Variants in ARHGEF4 observed in about 807,000 individuals in gnomAD.
ARHGEF4 encodes APC-stimulated guanine nucleotide exchange factor 1.
Under a neutral mutation model 162.0 loss-of-function variants are expected in ARHGEF4, and 119 were observed. The ratio of observed to expected loss-of-function variants is 0.73; its 90% CI spans 0.63 to 0.86. The LOEUF (loss-of-function observed/expected upper bound fraction) is 0.86. Among genes scored for constraint, ARHGEF4 ranks in the 40% least tolerant of loss-of-function variants. ARHGEF4 has a pLI of 0.00. For missense variants in ARHGEF4, 2,488 were observed against 2,456.0 expected (o/e 1.01, Z -0.28); for synonymous variants, 1,014 against 979.9 (o/e 1.03, Z -0.65).
chr2:131,015,698 C>T (rs946656747), intron 4 of ARHGEF4, among the ~76,000 whole-genome samples: 30 of 152,348 alleles, frequency 2.0e-4, no homozygotes, highest in Non-Finnish European at 3.5e-4. Flanking sequence ...ACCAGCCTAG[C>T]GAACATGGCA....
intron 4 of ARHGEF4, among the ~76,000 whole-genome samples, chr2:130,974,949 A>G (rs906925580): frequency 6.6e-6 from 1 of 152,088 alleles, no homozygotes; most frequent in Admixed American, 6.5e-5. Flanking sequence ...CAGAGACTCA[A>G]TTTTTTGCAT....
chr2:130,855,155 G>A (rs1057510478), intron 1 of ARHGEF4, among the ~76,000 whole-genome samples: 2 of 151,946 alleles, frequency 1.3e-5, no homozygotes, highest in African/African-American at 4.8e-5. Context: ...GATTACAGAC[G>A]TGAGCTACCG....
At chr2:131,009,374 C>T (rs1688312083) in intron 4 of ARHGEF4, among the ~76,000 whole-genome samples, 2 of 152,070 alleles carry the variant, frequency 1.3e-5, no homozygotes, top group Non-Finnish European at 2.9e-5. Flanking sequence ...CTGTATTCTG[C>T]TTGGGATTCA....
Position 131,009,128 on chromosome 2 carries a change from G to A in ARHGEF4, c.3986-18817G>A, listed in dbSNP as rs192489277. On this transcript the variant is annotated intron_variant, in intron 4 of 13. Coordinates refer to ENST00000409359, the MANE Select transcript of ARHGEF4 (RefSeq NM_001367493.1). ...TCTTAGCTTTCATTTTTCTTTTTTT[G>A]GACAGCAGACATTGTGGTGGTGTCC... is the stretch of plus-strand genomic sequence containing the variant. Among the ~76,000 whole-genome samples, 8 of 152,006 alleles carry A rather than the reference G, an allele frequency of 5.3e-5. No individual in the cohort carries two copies. The East Asian group carries it at 1.5e-3, about 29-fold the overall frequency.
chr2:131,043,768 C>G (rs976795116), intron 11 of ARHGEF4, 185 bp downstream of exon 11: 1 of 742,362 alleles, frequency 1.3e-6, no homozygotes, highest in Non-Finnish European at 2.1e-6. Context: ...GAGCAGCAGG[C>G]GGCTTTCACA....
intron 1 of ARHGEF4, among the ~76,000 whole-genome samples, chr2:130,864,945 C>T (rs1486472629): frequency 6.6e-6 from 1 of 152,184 alleles, no homozygotes; most frequent in Non-Finnish European, 1.5e-5. Flanking sequence ...TTGATGGAGA[C>T]GCACATGGCT....
At chr2:130,986,258 T>A (rs951612425) in intron 4 of ARHGEF4, among the ~76,000 whole-genome samples, 54 of 152,174 alleles carry the variant, frequency 3.5e-4, no homozygotes, top group Admixed American at 4.6e-4. Flanking sequence ...TCAGCGTCCC[T>A]CTTTGTGGGC....
chr2:130,883,118 G>A (rs1267131271), intron 1 of ARHGEF4, among the ~76,000 whole-genome samples: 1 of 151,962 alleles, frequency 6.6e-6, no homozygotes, highest in African/African-American at 2.4e-5. Context: ...GTTTTTCAAG[G>A]AGCGAGATGC....
chr2:130,931,344 T>G, intron 3 of ARHGEF4, 87 bp downstream of exon 3: 1 of 1,385,824 alleles, frequency 7.2e-7, no homozygotes, highest in South Asian at 1.5e-5. Flanking sequence ...AGCTTTTGCC[T>G]GACTCTCCTG....
At chr2:130,922,311 C>T (rs1574235211) in intron 2 of ARHGEF4, among the ~76,000 whole-genome samples, 2 of 151,216 alleles carry the variant, frequency 1.3e-5, no homozygotes, top group East Asian at 2.0e-4. Flanking sequence ...GTGGAGGTTG[C>T]GGCGAGCCGA....
intron 6 of ARHGEF4, 132 bp from the exon 7 acceptor site, chr2:131,039,880 TGGCC>T (rs1228496954): frequency 7.0e-7 from 1 of 1,429,830 alleles, no homozygotes; most frequent in Non-Finnish European, 9.1e-7. Flanking sequence ...TGGGGGGAGC[TGGCC>T]GGCCAGTCCT....
chr2:130,914,859 C>A lies in ARHGEF4; in HGVS notation c.913C>A (p.Arg305Ser). The change falls in exon 2 of 14, where the codon CGC becomes AGC. Residue 305 changes from arginine to serine, a missense_variant. This residue lies in a region of ARHGEF4 where 1,642 missense variants were observed against 1,481.5 expected (regional missense o/e 1.11). Transcript: ENST00000409359. ...QPPLRTSCLL[R>S]TNRHHSAPET... ...TCCTTTGAGGACATCTTGCCTCCTA[C>A]GCACCAACCGTCACCATAGTGCCCC... 6.8e-7 allele frequency: 1 copy of A among 1,479,546 alleles called. No homozygotes were observed. Among genetic ancestry groups the A allele is most frequent in the South Asian group, 1.4e-5 (1 of 71,228 alleles). 91.7% of individuals were successfully genotyped at this position (1,479,546 alleles called of 1,614,324 possible). A position where few individuals can be genotyped will look rare whatever the true frequency, so the allele number is the denominator to read the frequency against.
intron 11 of ARHGEF4, 28 bp downstream of exon 11, chr2:131,043,611 C>G (rs1232698371): frequency 1.2e-6 from 2 of 1,613,258 alleles, no homozygotes; most frequent in South Asian, 1.1e-5. Flanking sequence ...CCCTGCTGCC[C>G]CAAGTTGAGC....
intron 4 of ARHGEF4, among the ~76,000 whole-genome samples, chr2:131,023,576 G>A (rs1423640992): frequency 6.6e-6 from 1 of 152,194 alleles, no homozygotes; most frequent in Non-Finnish European, 1.5e-5. Flanking sequence ...ACACCTATCA[G>A]AATACCTAAA....
intron 3 of ARHGEF4, among the ~76,000 whole-genome samples, chr2:130,939,755 T>C (rs1683177915): frequency 6.6e-6 from 1 of 152,258 alleles, no homozygotes; most frequent in Non-Finnish European, 1.5e-5. Context: ...AGGTTTTCTT[T>C]AACTTCTTTT....
intron 4 of ARHGEF4, among the ~76,000 whole-genome samples, chr2:130,977,044 GTT>G (rs1685775058): frequency 6.6e-6 from 1 of 151,520 alleles, no homozygotes; most frequent in Non-Finnish European, 1.5e-5. Context: ...TGGTGTGTGT[GTT>G]GGTGTGTGGT....
chr2:130,959,417 A>G (rs1407628092), intron 4 of ARHGEF4, among the ~76,000 whole-genome samples: 1 of 152,228 alleles, frequency 6.6e-6, no homozygotes, highest in African/African-American at 2.4e-5. Context: ...GGTTCAAAGC[A>G]TGAGTGGCGA....
rs1384421372 is a variant in ARHGEF4, at chr2:130,988,889, TATATATATATATAGAGAGAGAGAG to T, written c.3986-39054_3986-39031del. ...GTGTGTGTGTATATATATATATATA[TATATATATATATAGAGAGAGAGAG>T]AGAGAGAGAGAGAGAGAGAGAGAAA... On this transcript the variant is annotated intron_variant, in intron 4 of 13. Transcript: ENST00000409359. Among the ~76,000 whole-genome samples the T allele has an allele frequency of 1.2e-4, 14 of 116,466 alleles. No individual in the cohort carries two copies. In the South Asian group the frequency reaches 1.5e-3, roughly 12 times the overall value. 76.4% of individuals were successfully genotyped at this position (116,466 alleles called of 152,430 possible).
chr2:130,977,604 C>T lies in ARHGEF4; in HGVS notation c.3985+30969C>T, dbSNP rs181071847. ...ATGTTGTGTATGTGTGGTGCATATG[C>T]GTTGCATATGTATGGTGTGTGCTGT... On this transcript the variant is annotated intron_variant, in intron 4 of 13. Transcript: ENST00000409359. Among the ~76,000 whole-genome samples the T allele has an allele frequency of 7.3e-5, 11 of 151,140 alleles. 1 individual carries two copies. Among genetic ancestry groups the T allele is most frequent in the African/African-American group, 2.4e-4 (10 of 41,038 alleles).
Sources: allele counts gnomAD v4.1 joint callset (sites outside exome capture counted in the v4.1 genomes callset), GRCh38; gene constraint gnomAD v4.1.1; regional missense constraint gnomAD v4.1.1; transcripts MANE v1.5; gene names NCBI Gene and HGNC (gene_info 2026-07-23, HGNC 2026-07-21).